SPSB1: variants seen among roughly 807,000 people sequenced by gnomAD.
SPSB1 encodes splA/ryanodine receptor domain and SOCS box containing 1, also known as SPRY domain-containing SOCS box protein 1.
In SPSB1, 8 loss-of-function variants were observed where a neutral mutation model predicts 21.2. That is an observed-to-expected ratio of 0.38 (90% confidence interval 0.22 to 0.68). The LOEUF (loss-of-function observed/expected upper bound fraction) is 0.68, where lower values mean the gene tolerates loss of function less well. SPSB1 is among the 30% of genes least tolerant of loss of function. SPSB1 has a pLI of 0.53. For synonymous variants in SPSB1, 169 were observed against 161.7 expected (o/e 1.05, Z -0.34); for missense variants, 242 against 377.8 (o/e 0.64, Z 2.98).
intron 1 of SPSB1, among the ~76,000 whole-genome samples, chr1:9,322,488 C>T (rs1409991314): frequency 6.6e-6 from 1 of 152,178 alleles, no homozygotes; most frequent in African/African-American, 2.4e-5. Context: ...CTACTGGGCC[C>T]TTGGCCAGAG....
intron 1 of SPSB1, among the ~76,000 whole-genome samples, chr1:9,354,457 C>T (rs1490555811): frequency 6.6e-6 from 1 of 152,076 alleles, no homozygotes; most frequent in Admixed American, 6.5e-5. Flanking sequence ...CTGGTCCCTT[C>T]CAGAGGCCAA....
intron 1 of SPSB1, among the ~76,000 whole-genome samples, chr1:9,350,604 G>A (rs1017960167): frequency 1.3e-5 from 2 of 152,234 alleles, no homozygotes; most frequent in Non-Finnish European, 2.9e-5. Flanking sequence ...GTAGGCATGC[G>A]TGCATGCGTG....
intron 1 of SPSB1, among the ~76,000 whole-genome samples, chr1:9,338,338 CTG>C (rs2100498807): frequency 6.6e-6 from 1 of 152,312 alleles, no homozygotes; most frequent in African/African-American, 2.4e-5. Flanking sequence ...AGGTTCGTGA[CTG>C]TATGGGGGCT....
rs753411342 is a variant in SPSB1 at position 9,356,539 on chromosome 1, C to A, written c.648C>A (p.Val216=). 1 of 1,604,850 alleles carries A rather than the reference C, an allele frequency of 6.2e-7. No homozygotes were observed. The highest frequency in any genetic ancestry group is 2.2e-5 in the East Asian group (1 of 44,636). ...GKKLYPVVSA[V]WGHCEIRMRY... ...AACTGTATCCTGTAGTGAGTGCCGT[C>A]TGGGGCCACTGTGAGATCCGAATGC... Residue 216 remains valine, a synonymous_variant, in exon 2 of 3, where the codon GTC becomes GTA. Transcript: ENST00000328089. The surrounding 1 kb of genome is among the most constrained non-coding windows in gnomAD (Gnocchi z 7.4).
At chr1:9,341,436 C>G (rs1385412925) in intron 1 of SPSB1, among the ~76,000 whole-genome samples, 1 of 152,250 alleles carries the variant, frequency 6.6e-6, no homozygotes, top group Non-Finnish European at 1.5e-5. Context: ...CTGAGGGCAG[C>G]AAGTTCTGCC....
chr1:9,327,088 C>G (rs975382662), intron 1 of SPSB1, among the ~76,000 whole-genome samples: 1 of 152,118 alleles, frequency 6.6e-6, no homozygotes, highest in Non-Finnish European at 1.5e-5. Context: ...ATGCATCTGC[C>G]GTCGTTTCGT....
At chr1:9,355,128 A>C (rs1390374955) in intron 1 of SPSB1, among the ~76,000 whole-genome samples, 3 of 152,200 alleles carry the variant, frequency 2.0e-5, no homozygotes, top group African/African-American at 7.2e-5. Flanking sequence ...TAGCTGGCGG[A>C]GGAGGCTCCT....
intron 1 of SPSB1, among the ~76,000 whole-genome samples, chr1:9,304,778 A>G (rs76943294): frequency 0.013 from 2,027 of 152,130 alleles, 35 homozygotes; most frequent in African/African-American, 0.04. Context: ...CGCTCAAGCA[A>G]TCCTCCCACC....
intron 2 of SPSB1, among the ~76,000 whole-genome samples, chr1:9,358,256 C>G (rs189338255): frequency 6.6e-6 from 1 of 152,300 alleles, no homozygotes; most frequent in East Asian, 1.9e-4. Flanking sequence ...TCTGCTGTGA[C>G]TTTGACTGTG....
intron 1 of SPSB1, among the ~76,000 whole-genome samples, chr1:9,334,149 G>A (rs868298462): frequency 3.9e-5 from 6 of 152,042 alleles, no homozygotes; most frequent in African/African-American, 1.5e-4. Context: ...GCGGTGGTGC[G>A]ATCTCGGCTC....
At chr1:9,311,377 T>C (rs1285171792) in intron 1 of SPSB1, among the ~76,000 whole-genome samples, 1 of 152,046 alleles carries the variant, frequency 6.6e-6, no homozygotes, top group Non-Finnish European at 1.5e-5. Flanking sequence ...GCTGTCTGCA[T>C]TTATGGAGAT....
chr1:9,295,229 T>A (rs888202586), intron 1 of SPSB1, among the ~76,000 whole-genome samples: 43 of 151,174 alleles, frequency 2.8e-4, no homozygotes, highest in African/African-American at 1.1e-3. Context: ...TGTGTGTGTG[T>A]GTGTGTGTGT....
intron 1 of SPSB1, among the ~76,000 whole-genome samples, chr1:9,300,214 C>T (rs966228518): frequency 4.6e-5 from 7 of 152,176 alleles, no homozygotes; most frequent in African/African-American, 1.7e-4. Context: ...TTACAGCTTT[C>T]CTCCTGCAAC....
chr1:9,361,658 GCCACAGGC>G, intron 2 of SPSB1, among the ~76,000 whole-genome samples: 1 of 152,358 alleles, frequency 6.6e-6, no homozygotes, highest in East Asian at 1.9e-4. Context: ...GCCTGCTGGG[GCCACAGGC>G]CCCGTGCTCT....
intron 1 of SPSB1, among the ~76,000 whole-genome samples, chr1:9,319,764 G>A (rs142914039): frequency 1.3e-5 from 2 of 152,172 alleles, no homozygotes; most frequent in East Asian, 1.9e-4. Flanking sequence ...CAGGGAAGTC[G>A]GCCTGGGGTG....
At chr1:9,331,097 C>T (rs958033641) in intron 1 of SPSB1, among the ~76,000 whole-genome samples, 2 of 152,106 alleles carry the variant, frequency 1.3e-5, no homozygotes, top group Non-Finnish European at 2.9e-5. Flanking sequence ...TTCTGTCGTG[C>T]TCTCCCCGCT....
chr1:9,299,100 G>T (rs576988060), intron 1 of SPSB1, among the ~76,000 whole-genome samples: 264 of 152,336 alleles, frequency 1.7e-3, no homozygotes, highest in African/African-American at 6.0e-3. Flanking sequence ...GTGGATTATT[G>T]TAAACTTAAC....
In SPSB1 at chr1:9,355,956, T is replaced by G; in HGVS notation, c.65T>G (p.Leu22Arg). ...VDMRDPTYRP[L>R]KQELQGLDYC... ...ATGAGGGACCCCACGTACAGGCCCC[T>G]GAAGCAGGAGCTCCAGGGTCTGGAT... The change falls in exon 2 of 3, where the codon CTG becomes CGG. Residue 22 changes from leucine (L) to arginine (R), a missense_variant. Transcript: ENST00000328089. 1 of 1,613,554 alleles carries G rather than the reference T, an allele frequency of 6.2e-7. No homozygotes were observed. The highest frequency in any genetic ancestry group is 8.5e-7 in the Non-Finnish European group (1 of 1,179,730).
intron 1 of SPSB1, among the ~76,000 whole-genome samples, chr1:9,336,235 C>T (rs1557457481): frequency 2.0e-5 from 3 of 151,400 alleles, no homozygotes; most frequent in African/African-American, 7.3e-5. Context: ...CCTCCTGGTT[C>T]TTTTTTTTTG....
Sources: gnomAD v4.1 joint callset for allele counts (sites outside exome capture counted in the v4.1 genomes callset) on GRCh38, gnomAD v4.1.1 for gene constraint, Gnocchi (gnomAD v3.1) non-coding constraint, MANE v1.5 for transcripts, NCBI Gene and HGNC (gene_info 2026-07-23, HGNC 2026-07-21) for gene names.